Variants in DLG2 observed in about 807,000 individuals in gnomAD.
DLG2 encodes discs large MAGUK scaffold protein 2.
In DLG2, 45 loss-of-function variants were observed where a neutral mutation model predicts 132.5. That is an observed-to-expected ratio of 0.34 (90% CI 0.27 to 0.44). DLG2 has a LOEUF of 0.44. Ranked by LOEUF, DLG2 falls within the 20% of genes least tolerant of loss-of-function variation. DLG2 has a pLI of 1.00. For synonymous variants in DLG2, 424 were observed against 419.6 expected (o/e 1.01, Z -0.13); for missense variants, 1,045 against 1,196.9 (o/e 0.87, Z 1.87).
intron 5 of DLG2, among the ~76,000 whole-genome samples, chr11:85,137,582 C>T (rs72961528): frequency 0.052 from 7,875 of 152,178 alleles, 299 homozygotes; most frequent in African/African-American, 0.096. Flanking sequence ...GAACTATAAA[C>T]AACCTGTGAT....
At chr11:84,431,748 C>T (rs1005192972) in intron 7 of DLG2, among the ~76,000 whole-genome samples, 1 of 151,966 alleles carries the variant, frequency 6.6e-6, no homozygotes, top group African/African-American at 2.4e-5. Flanking sequence ...TTTATATTAA[C>T]TCATTTTATC....
intron 3 of DLG2, among the ~76,000 whole-genome samples, chr11:85,413,493 A>G (rs1178139004): frequency 6.6e-6 from 1 of 151,960 alleles, no homozygotes; most frequent in East Asian, 1.9e-4. Flanking sequence ...CAATGTCTAG[A>G]AGGATTTTTT....
chr11:85,189,415 T>A (rs974055798), intron 4 of DLG2, among the ~76,000 whole-genome samples: 2 of 152,190 alleles, frequency 1.3e-5, no homozygotes, highest in African/African-American at 4.8e-5. Context: ...TTTGGCAATA[T>A]AAAACAACAC....
intron 15 of DLG2, among the ~76,000 whole-genome samples, chr11:83,910,793 G>C (rs11233804): frequency 0.2 from 30,527 of 152,056 alleles, 3,353 homozygotes; most frequent in Non-Finnish European, 0.26. Context: ...TGCTCTTCAT[G>C]CCCCGACAGC....
At chr11:84,067,320 C>A (rs1202377695) in intron 10 of DLG2, among the ~76,000 whole-genome samples, 2 of 151,980 alleles carry the variant, frequency 1.3e-5, no homozygotes, top group Non-Finnish European at 2.9e-5. Flanking sequence ...GGTAACAGAG[C>A]GAGACACCAT....
chr11:84,641,337 C>T (rs746093481), intron 6 of DLG2, among the ~76,000 whole-genome samples: 3 of 152,130 alleles, frequency 2.0e-5, no homozygotes, highest in Non-Finnish European at 4.4e-5. Context: ...TAGGAAATTG[C>T]CTAACCCATA....
At chr11:83,466,903 A>G (rs2091136554) in intron 25 of DLG2, 86 bp from the exon 26 acceptor site, 1 of 874,114 alleles carries the variant, frequency 1.1e-6, no homozygotes, top group Non-Finnish European at 1.9e-6. Context: ...TGTAGGTTTT[A>G]GAGGAAGGTA....
At chr11:84,958,909 G>T (rs1182187272) in intron 6 of DLG2, among the ~76,000 whole-genome samples, 1 of 152,128 alleles carries the variant, frequency 6.6e-6, no homozygotes, top group Non-Finnish European at 1.5e-5. Context: ...GTCTCCAAAA[G>T]AACTTTGCCT....
At chr11:83,808,836 T>G (rs1369434406) in intron 17 of DLG2, among the ~76,000 whole-genome samples, 2 of 152,040 alleles carry the variant, frequency 1.3e-5, no homozygotes, top group African/African-American at 4.8e-5. Context: ...TTCCTCTCTA[T>G]TATACCCTCA....
chr11:84,497,739 A>G (rs1398374063), intron 7 of DLG2, among the ~76,000 whole-genome samples: 1 of 152,196 alleles, frequency 6.6e-6, no homozygotes, highest in Non-Finnish European at 1.5e-5. Context: ...CTCCATGGAA[A>G]TTAAAATAAC....
intron 6 of DLG2, among the ~76,000 whole-genome samples, chr11:84,818,613 T>C (rs1320697269): frequency 1.3e-5 from 2 of 151,972 alleles, no homozygotes; most frequent in Admixed American, 6.6e-5. Flanking sequence ...AAGCCCTGTA[T>C]CTAATTTTGT....
chr11:84,331,308 A>C (rs1037311837), intron 7 of DLG2, among the ~76,000 whole-genome samples: 12 of 152,024 alleles, frequency 7.9e-5, no homozygotes, highest in African/African-American at 2.7e-4. Context: ...TTCTGGGGTA[A>C]AGAAATTGAG....
chr11:85,413,443 T>C (rs947279190), intron 3 of DLG2, among the ~76,000 whole-genome samples: 5 of 151,980 alleles, frequency 3.3e-5, no homozygotes, highest in African/African-American at 1.2e-4. Context: ...TTTTATTGTG[T>C]TTGTTTTTGG....
chr11:85,413,911 G>T (rs911501100), intron 3 of DLG2, among the ~76,000 whole-genome samples: 1 of 151,752 alleles, frequency 6.6e-6, no homozygotes, highest in African/African-American at 2.4e-5. Flanking sequence ...ATGACATTTA[G>T]AATTTTTTTT....
At chr11:85,089,490 C>T (rs1030621068) in intron 6 of DLG2, among the ~76,000 whole-genome samples, 1 of 152,102 alleles carries the variant, frequency 6.6e-6, no homozygotes, top group Non-Finnish European at 1.5e-5. Flanking sequence ...GCATAGTATT[C>T]CATGCTATAT....
chr11:84,378,702 G>A (rs2098738703), intron 7 of DLG2, among the ~76,000 whole-genome samples: 1 of 151,866 alleles, frequency 6.6e-6, no homozygotes, highest in Admixed American at 6.6e-5. Context: ...TGGCTGAGGT[G>A]GGCGGATTAC....
At chr11:84,600,736 G>C (rs778469002) in intron 6 of DLG2, among the ~76,000 whole-genome samples, 6 of 152,106 alleles carry the variant, frequency 3.9e-5, no homozygotes, top group Admixed American at 2.0e-4. Context: ...TTATAGGATA[G>C]CATTTTTGGG....
At chr11:84,767,624 A>ATTT (rs35174714) in intron 6 of DLG2, among the ~76,000 whole-genome samples, 1 of 148,442 alleles carries the variant, frequency 6.7e-6, no homozygotes, top group Admixed American at 6.7e-5. Flanking sequence ...TCCTGTCAAG[A>ATTT]TTTTTTTTTT....
chr11:84,154,144 C>T (rs560358542), intron 9 of DLG2, among the ~76,000 whole-genome samples: 20 of 152,216 alleles, frequency 1.3e-4, no homozygotes, highest in Non-Finnish European at 2.5e-4. Flanking sequence ...ACTACAGGCA[C>T]ACGCCAACAT....
Sources: allele counts gnomAD v4.1 joint callset (sites outside exome capture counted in the v4.1 genomes callset), GRCh38; gene constraint gnomAD v4.1.1; transcripts MANE v1.5; gene names NCBI Gene and HGNC (gene_info 2026-07-23, HGNC 2026-07-21).